Variants in UMAD1 observed in about 807,000 individuals in gnomAD.
UMAD1 encodes UBAP1-MVB12-associated (UMA)-domain containing protein 1.
A neutral mutation model predicts 6.1 loss-of-function variants in UMAD1; 8 were observed. The observed-to-expected ratio is 1.30, with a 90% confidence interval of 0.76 to 2.35. The LOEUF is 2.35. UMAD1 is among the 30% of genes most tolerant of loss of function. The probability of loss-of-function intolerance (pLI) is 0.00; values close to 1 mark genes in which losing one functional copy is unlikely to be tolerated. For missense variants in UMAD1, 130 were observed against 78.4 expected (o/e 1.66, Z -2.49); for synonymous variants, 56 against 31.4 (o/e 1.78, Z -2.61).
intron 2 of UMAD1, chr7:7,676,242 C>G (rs1239904242): frequency 7.5e-6 from 3 of 398,362 alleles, no homozygotes; most frequent in Non-Finnish European, 1.3e-5. Context: ...CTTAGCATAT[C>G]TAGGAAATGA....
intron 3 of UMAD1, among the ~76,000 whole-genome samples, chr7:7,819,363 A>T (rs1292652834): frequency 1.3e-5 from 2 of 152,228 alleles, no homozygotes; most frequent in African/African-American, 4.8e-5. Context: ...GCAGTTGTTT[A>T]TATTACGCTG....
intron 2 of UMAD1, among the ~76,000 whole-genome samples, chr7:7,794,611 C>T (rs1782636932): frequency 6.6e-6 from 1 of 152,146 alleles, no homozygotes; most frequent in South Asian, 2.1e-4. Context: ...ATAAGACTGA[C>T]AAAACAGACT....
intron 2 of UMAD1, among the ~76,000 whole-genome samples, chr7:7,681,656 G>T (rs1251070836): frequency 6.6e-6 from 1 of 152,002 alleles, no homozygotes; most frequent in South Asian, 2.1e-4. Flanking sequence ...AAAACAAATT[G>T]CAGTTTTCAT....
chr7:7,763,274 C>T (rs1163052507), intron 2 of UMAD1, among the ~76,000 whole-genome samples: 1 of 151,874 alleles, frequency 6.6e-6, no homozygotes, highest in Non-Finnish European at 1.5e-5. Flanking sequence ...AAATTTTAGC[C>T]TGTATTTTAG....
chr7:7,847,107 ATATATATATAT>A (rs1783817166), intron 3 of UMAD1, among the ~76,000 whole-genome samples: 6 of 4,878 alleles, frequency 1.2e-3, no homozygotes, highest in African/African-American at 3.2e-3. Flanking sequence ...AAAAAAAAAT[ATATATATATAT>A]ATATATATAT....
chr7:7,801,977 G>C (rs1437647653), intron 3 of UMAD1, among the ~76,000 whole-genome samples: 1 of 152,174 alleles, frequency 6.6e-6, no homozygotes, highest in Non-Finnish European at 1.5e-5. Flanking sequence ...AAACAAAACA[G>C]AAATCAAGTC....
chr7:7,655,877 C>A (rs1785329325), intron 1 of UMAD1, among the ~76,000 whole-genome samples: 1 of 152,008 alleles, frequency 6.6e-6, no homozygotes, highest in African/African-American at 2.4e-5. Context: ...CTCTTGTTCC[C>A]CAGGCTGGAA....
At chr7:7,744,593 GT>G (rs377391555) in intron 2 of UMAD1, among the ~76,000 whole-genome samples, 1,534 of 135,810 alleles carry the variant, frequency 0.011, 26 homozygotes, top group African/African-American at 0.036. Flanking sequence ...AATTGTTACT[GT>G]TTTTTTTTTT....
At chr7:7,649,706 A>C (rs1326233830) in intron 1 of UMAD1, among the ~76,000 whole-genome samples, 1 of 150,350 alleles carries the variant, frequency 6.7e-6, no homozygotes, top group Non-Finnish European at 1.5e-5. Flanking sequence ...CCACCCTACA[A>C]ATTTTAACCT....
chr7:7,837,391 A>G (rs547746449), intron 3 of UMAD1, among the ~76,000 whole-genome samples: 1 of 152,278 alleles, frequency 6.6e-6, no homozygotes, highest in Non-Finnish European at 1.5e-5. Flanking sequence ...AAAGTGGTTT[A>G]TATGAGAATA....
intron 3 of UMAD1, among the ~76,000 whole-genome samples, chr7:7,846,013 C>A (rs1783776165): frequency 6.6e-6 from 1 of 152,060 alleles, no homozygotes; most frequent in Admixed American, 6.6e-5. Context: ...AACAGTCTAT[C>A]TTTGAGTGAG....
At chr7:7,803,427 G>C (rs1197088050) in intron 3 of UMAD1, among the ~76,000 whole-genome samples, 5 of 152,200 alleles carry the variant, frequency 3.3e-5, no homozygotes, top group Non-Finnish European at 7.3e-5. Context: ...AGCCTGGGCA[G>C]CAGAAACATT....
intron 2 of UMAD1, among the ~76,000 whole-genome samples, chr7:7,776,898 T>A (rs1399229372): frequency 6.6e-6 from 1 of 152,234 alleles, no homozygotes; most frequent in Non-Finnish European, 1.5e-5. Flanking sequence ...TCCACACAGT[T>A]CTTCCTCCTC....
At chr7:7,851,931 A>G (rs981710115) in intron 3 of UMAD1, among the ~76,000 whole-genome samples, 3 of 152,062 alleles carry the variant, frequency 2.0e-5, no homozygotes, top group Non-Finnish European at 2.9e-5. Flanking sequence ...TTGTGGTGTC[A>G]TATGTATGAA....
chr7:7,769,452 A>G (rs908032170), intron 2 of UMAD1, among the ~76,000 whole-genome samples: 1 of 152,110 alleles, frequency 6.6e-6, no homozygotes, highest in African/African-American at 2.4e-5. Flanking sequence ...GATACCCATT[A>G]TCCCCTTTTC....
At chr7:7,737,923 A>G (rs1781391938) in intron 2 of UMAD1, among the ~76,000 whole-genome samples, 1 of 152,222 alleles carries the variant, frequency 6.6e-6, no homozygotes. Flanking sequence ...ACACTAAGTC[A>G]ATAAATATTA....
At chr7:7,792,183 T>A (rs1457684820) in intron 2 of UMAD1, among the ~76,000 whole-genome samples, 2 of 152,228 alleles carry the variant, frequency 1.3e-5, no homozygotes, top group East Asian at 3.8e-4. Context: ...CCATTTTAAT[T>A]TGCTTTTCTT....
At chr7:7,699,163 CA>C (rs1780394837) in intron 2 of UMAD1, among the ~76,000 whole-genome samples, 1 of 151,996 alleles carries the variant, frequency 6.6e-6, no homozygotes, top group Non-Finnish European at 1.5e-5. Context: ...TGGGTTCCCC[CA>C]ACTCTCAAGG....
chr7:7,681,700 A>G (rs1055046173), intron 2 of UMAD1, among the ~76,000 whole-genome samples: 2 of 152,140 alleles, frequency 1.3e-5, no homozygotes, highest in African/African-American at 4.8e-5. Context: ...TCATAGCCTT[A>G]TACTACTATT....
Sources: gnomAD v4.1 joint callset for allele counts (sites outside exome capture counted in the v4.1 genomes callset) on GRCh38, gnomAD v4.1.1 for gene constraint, MANE v1.5 for transcripts, NCBI Gene and HGNC (gene_info 2026-07-23, HGNC 2026-07-21) for gene names.